The following KIF20B variants were observed in gnomAD, a reference collection of about 807,000 sequenced individuals.
The protein encoded by KIF20B is kinesin-like protein KIF20B.
Under a neutral mutation model 232.5 loss-of-function variants are expected in KIF20B, and 188 were observed. The observed-to-expected ratio is 0.81, with a 90% CI of 0.72 to 0.91. The LOEUF is 0.91. Among genes scored for constraint, KIF20B ranks in the 40% least tolerant of loss-of-function variants. The probability of loss-of-function intolerance (pLI) is 0.00; values close to 1 mark genes in which losing one functional copy is unlikely to be tolerated. For missense variants in KIF20B, 2,154 were observed against 2,055.9 expected (o/e 1.05, Z -0.92); for synonymous variants, 712 against 683.0 (o/e 1.04, Z -0.66).
In KIF20B at chr10:89,717,499, A is replaced by G. The variant is rs1175781582; in HGVS notation, c.1124+4A>G. On this transcript the variant is annotated splice_donor_region_variant and intron_variant, in intron 10 of 32. Coordinates refer to ENST00000371728, the MANE Select transcript of KIF20B (RefSeq NM_001284259.2). ...CTCGTGTAATTCGAGTCAGTGAGTA[A>G]GTTGAATATTCTTTAAATTTAATTA... 2 of 1,592,226 alleles carry G rather than the reference A, an allele frequency of 1.3e-6. No individual in the cohort carries two copies. Among genetic ancestry groups the G allele is most frequent in the African/African-American group, 1.3e-5 (1 of 74,134 alleles).
chr10:89,738,650 T>C (rs1374278457), intron 20 of KIF20B, 33 bp downstream of exon 20: 2 of 1,512,274 alleles, frequency 1.3e-6, no homozygotes, highest in Non-Finnish European at 1.8e-6. Context: ...TATTTTAAAA[T>C]ACACAAAGCA....
intron 14 of KIF20B, 53 bp from the exon 15 acceptor site, chr10:89,724,967 A>G: frequency 1.3e-6 from 2 of 1,561,566 alleles, no homozygotes; most frequent in Non-Finnish European, 8.8e-7. Context: ...TAAAACAAAA[A>G]CACAAAGTAG....
intron 15 of KIF20B, 117 bp downstream of exon 15, chr10:89,725,275 G>A: frequency 1.6e-5 from 15 of 917,650 alleles, no homozygotes; most frequent in Non-Finnish European, 2.3e-5. Context: ...TGCTTTGTGT[G>A]TAGCTTTATT....
intron 31 of KIF20B, among the ~76,000 whole-genome samples, chr10:89,770,965 A>G (rs918339810): frequency 2.0e-4 from 31 of 152,160 alleles, no homozygotes; most frequent in African/African-American, 7.2e-4. Flanking sequence ...TTATTATTCT[A>G]CGGTTTGATA....
In KIF20B at chr10:89,717,330, A is replaced by C. The variant is rs1439528614; in HGVS notation, c.1053-94A>C. 7 of 730,354 alleles carry C rather than the reference A, an allele frequency of 9.6e-6. No individual in the cohort carries two copies. In the East Asian group the frequency reaches 1.9e-4, roughly 20 times the overall value. The allele number at this position is 730,354 out of a possible 1,614,324, so 45.2% of individuals were successfully genotyped here. A position where few individuals can be genotyped will look rare whatever the true frequency, so the allele number is the denominator to read the frequency against. ...TGCAATGGTGGACTGTAGTTATACT[A>C]GGGTATAAATAAGATTGATTTGAAT... On this transcript the variant is annotated intron_variant, in intron 9 of 32. Coordinates refer to ENST00000371728, the MANE Select transcript of KIF20B (RefSeq NM_001284259.2).
chr10:89,748,202 G>A lies in KIF20B; in HGVS notation c.4096+2243G>A, dbSNP rs528469711. Among the ~76,000 whole-genome samples, 6 of 152,274 alleles carry A rather than the reference G, an allele frequency of 3.9e-5. No individual in the cohort carries two copies. In the South Asian group the frequency reaches 1.2e-3, roughly 32 times the overall value. ...TTTTTGTATTTTTAGTAGAGACGGG[G>A]TTTTGCCATGTTGGCCAGGCTAGTC... is the stretch of plus-strand genomic sequence containing the variant. On this transcript the variant is annotated intron_variant, in intron 23 of 32. Transcript: ENST00000371728.
intron 31 of KIF20B, among the ~76,000 whole-genome samples, chr10:89,771,290 C>T (rs1303909196): frequency 7.1e-6 from 1 of 140,868 alleles, no homozygotes; most frequent in East Asian, 2.1e-4. Flanking sequence ...ATCTTTTACA[C>T]TAGAATATAA....
chr10:89,740,679 G>A (rs1841778135), intron 21 of KIF20B, among the ~76,000 whole-genome samples: 1 of 151,858 alleles, frequency 6.6e-6, no homozygotes, highest in African/African-American at 2.4e-5. Flanking sequence ...ATTTTGTTTT[G>A]GGACAGGGTC....
Position 89,709,177 on chromosome 10 carries a change from T to A in KIF20B, c.158T>A (p.Phe53Tyr). 1.9e-6 allele frequency: 3 copies of A among 1,604,994 alleles called. No individual in the cohort carries two copies. The highest frequency in any genetic ancestry group is 2.6e-6 in the Non-Finnish European group (3 of 1,173,804). Residue 53 changes from phenylalanine (F) to tyrosine (Y), a missense_variant, in exon 3 of 33, where the codon TTC becomes TAC. Coordinates refer to ENST00000371728, the MANE Select transcript of KIF20B (RefSeq NM_001284259.2). ...CCTTTATTTTTTAAGGCAAACAGTT[T>A]CGAATCTAAAGATTATCTCCAGGTT... ...LVAPNTEANS[F>Y]ESKDYLQVCL...
At chr10:89,728,552 C>T (rs1290068974) in intron 17 of KIF20B, among the ~76,000 whole-genome samples, 1 of 151,330 alleles carries the variant, frequency 6.6e-6, no homozygotes, top group Non-Finnish European at 1.5e-5. Flanking sequence ...CACTCTGTTG[C>T]CCAGGCTGGA....
At chr10:89,732,728 T>G (rs1397996553) in intron 18 of KIF20B, among the ~76,000 whole-genome samples, 175 bp from the exon 19 acceptor site, 1 of 152,212 alleles carries the variant, frequency 6.6e-6, no homozygotes, top group Non-Finnish European at 1.5e-5. Context: ...CAAATGTTAC[T>G]TATTTGCTAG....
At chr10:89,720,582 T>C (rs1233109099) in intron 13 of KIF20B, among the ~76,000 whole-genome samples, 1 of 152,258 alleles carries the variant, frequency 6.6e-6, no homozygotes, top group African/African-American at 2.4e-5. Context: ...GTTAAAAATA[T>C]CTACCAAGTA....
intron 20 of KIF20B, 65 bp downstream of exon 20, chr10:89,738,682 A>G (rs199498582): frequency 3.4e-6 from 5 of 1,469,996 alleles, no homozygotes; most frequent in East Asian, 4.7e-5. Flanking sequence ...ATGCAGCTTT[A>G]AAAAAGTTAG....
At chr10:89,756,291 C>T (rs914758596) in intron 26 of KIF20B, among the ~76,000 whole-genome samples, 1 of 152,130 alleles carries the variant, frequency 6.6e-6, no homozygotes, top group Non-Finnish European at 1.5e-5. Context: ...TTCCTGTATA[C>T]CTATCACCCA....
At chr10:89,746,276 G>A (rs1261258755) in intron 23 of KIF20B, among the ~76,000 whole-genome samples, 5 of 152,164 alleles carry the variant, frequency 3.3e-5, no homozygotes, top group African/African-American at 9.7e-5. Context: ...TCTGTATCCC[G>A]GGATTCTTGC....
chr10:89,751,927 G>A (rs189528185), intron 24 of KIF20B, among the ~76,000 whole-genome samples: 298 of 152,014 alleles, frequency 2.0e-3, no homozygotes, highest in Admixed American at 4.2e-3. Flanking sequence ...TGTAGAAAGG[G>A]CAAGAAATTT....
chr10:89,757,190 A>T (rs1480629662), intron 26 of KIF20B, among the ~76,000 whole-genome samples: 1 of 151,690 alleles, frequency 6.6e-6, no homozygotes, highest in African/African-American at 2.4e-5. Flanking sequence ...GTAGCTGTAT[A>T]GTCCCACCAA....
chr10:89,723,783 G>T, intron 13 of KIF20B, 181 bp from the exon 14 acceptor site: 1 of 531,906 alleles, frequency 1.9e-6, no homozygotes, highest in Non-Finnish European at 2.8e-6. Context: ...AGGCCAACCT[G>T]ATTTTTCAGT....
chr10:89,740,233 C>CT (rs35967236), intron 21 of KIF20B, among the ~76,000 whole-genome samples: 2,863 of 135,250 alleles, frequency 0.021, 40 homozygotes, highest in Non-Finnish European at 0.035. Flanking sequence ...ATTGTGCTGT[C>CT]TTTTTTTTTT....
Sources: allele counts gnomAD v4.1 joint callset (sites outside exome capture counted in the v4.1 genomes callset), GRCh38; gene constraint gnomAD v4.1.1; transcripts MANE v1.5; gene names NCBI Gene and HGNC (gene_info 2026-07-23, HGNC 2026-07-21).